PCDHGA1: variants seen among roughly 807,000 people sequenced by gnomAD.
PCDHGA1 encodes the protein protocadherin gamma subfamily A, 1, also known as protocadherin gamma-A1.
Under a neutral mutation model 58.0 loss-of-function variants are expected in PCDHGA1, and 32 were observed. That is an observed-to-expected ratio of 0.55 (90% CI 0.42 to 0.74). The LOEUF is 0.74. Among genes scored for constraint, PCDHGA1 ranks in the 30% least tolerant of loss-of-function variants. The pLI is 0.00. For synonymous variants in PCDHGA1, 498 were observed against 501.1 expected (o/e 0.99, Z 0.08); for missense variants, 1,205 against 1,182.3 (o/e 1.02, Z -0.28).
intron 1 of PCDHGA1, among the ~76,000 whole-genome samples, chr5:141,406,034 A>T (rs1438349168): frequency 6.7e-6 from 1 of 149,160 alleles, no homozygotes; most frequent in Non-Finnish European, 1.5e-5. Flanking sequence ...GGGTTGCTTC[A>T]TTGGTTGCAG....
At position 141,485,677 on chromosome 5, in the gene PCDHGA1, C is replaced by T. The variant is rs757797282; in HGVS notation, c.2422-9130C>T. ...CAGATGTGGGGAGCAATTCGATTAG[C>T]AGCTATAGGCTGAGCTCCAATGAAC... On this transcript the variant is annotated intron_variant, in intron 1 of 3. Transcript: ENST00000517417. This position sits in a 1 kb window ranked among gnomAD's most constrained non-coding sequence, Gnocchi z 5.7. 2.4e-5 allele frequency: 38 copies of T among 1,612,714 alleles called. No individual in the cohort carries two copies. In the East Asian group the frequency reaches 7.8e-4, roughly 33 times the overall value.
intron 1 of PCDHGA1, chr5:141,382,901 T>C (rs748634682): frequency 5.8e-6 from 9 of 1,543,194 alleles, no homozygotes; most frequent in East Asian, 2.3e-5. Flanking sequence ...AGGACGACTA[T>C]GGCGGCTCAG....
intron 1 of PCDHGA1, chr5:141,382,987 C>G: frequency 6.2e-7 from 1 of 1,613,278 alleles, no homozygotes; most frequent in Non-Finnish European, 8.5e-7. Context: ...CTGGGCAGGA[C>G]GTATTCTCTA....
Position 141,486,098 on chromosome 5 carries a change from G to A in PCDHGA1, c.2422-8709G>A, listed in dbSNP as rs1211678224. ...AAAGCTTACTCTTTTGGGGCCCCTA[G>A]ACTTTGAGAGTGAGAATTACTATGA... On this transcript the variant is annotated intron_variant, in intron 1 of 3. Transcript: ENST00000517417. This position sits in a 1 kb window ranked among gnomAD's most constrained non-coding sequence, Gnocchi z 5.0. 5.0e-6 allele frequency: 8 copies of A among 1,614,032 alleles called. No homozygotes were observed. Among genetic ancestry groups the A allele is most frequent in the Admixed American group, 3.3e-5 (2 of 59,994 alleles).
intron 1 of PCDHGA1, chr5:141,371,423 T>C: frequency 6.2e-7 from 1 of 1,613,962 alleles, no homozygotes; most frequent in Non-Finnish European, 8.5e-7. Flanking sequence ...AAAATGACAA[T>C]GCCCCGGAGA....
At chr5:141,384,287 A>G in intron 1 of PCDHGA1, 1 of 1,613,838 alleles carries the variant, frequency 6.2e-7, no homozygotes, top group South Asian at 1.1e-5. Context: ...TACATCGCTG[A>G]GAACAACCCC....
chr5:141,465,979 G>A (rs779605313), intron 1 of PCDHGA1, among the ~76,000 whole-genome samples: 9 of 151,846 alleles, frequency 5.9e-5, no homozygotes, highest in Non-Finnish European at 1.3e-4. Flanking sequence ...AAAATTAGCC[G>A]GGCATGGTGG....
intron 1 of PCDHGA1, among the ~76,000 whole-genome samples, chr5:141,483,913 C>G (rs988014158): frequency 6.7e-6 from 1 of 148,188 alleles, no homozygotes; most frequent in African/African-American, 2.5e-5. Context: ...GTTTCCCACT[C>G]AGATTGCAGG....
intron 1 of PCDHGA1, among the ~76,000 whole-genome samples, chr5:141,481,161 A>G (rs2099532805): frequency 6.6e-6 from 1 of 152,230 alleles, no homozygotes; most frequent in African/African-American, 2.4e-5. Flanking sequence ...GTATTTGCAG[A>G]ACCAGAATCC....
intron 1 of PCDHGA1, among the ~76,000 whole-genome samples, chr5:141,480,115 G>A (rs1164458958): frequency 6.6e-6 from 1 of 152,110 alleles, no homozygotes; most frequent in African/African-American, 2.4e-5. Flanking sequence ...CATGGTGCCT[G>A]GCATATCATA....
At chr5:141,372,053 C>G in intron 1 of PCDHGA1, 1 of 1,613,498 alleles carries the variant, frequency 6.2e-7, no homozygotes, top group South Asian at 1.1e-5. Flanking sequence ...TGTTGGTGGA[C>G]GACCGCAACG....
At chr5:141,371,734 A>T in intron 1 of PCDHGA1, 1 of 1,614,042 alleles carries the variant, frequency 6.2e-7, no homozygotes, top group Non-Finnish European at 8.5e-7. Flanking sequence ...GATGTCAACG[A>T]CAACGTTCCC....
Position 141,486,486 on chromosome 5 carries a change from A to G in PCDHGA1, c.2422-8321A>G. The G allele has an allele frequency of 6.2e-7, 1 of 1,614,056 alleles. No individual in the cohort carries two copies. Among genetic ancestry groups the G allele is most frequent in the South Asian group, 1.1e-5 (1 of 91,084 alleles). ...GCTGGGAACCCTCCTCTCAGTACCC[A>G]CAGAACTATTTTCCTCAATATTTCA... On this transcript the variant is annotated intron_variant, in intron 1 of 3. Coordinates refer to ENST00000517417, the MANE Select transcript of PCDHGA1 (RefSeq NM_018912.3). The surrounding 1 kb of genome is among the most constrained non-coding windows in gnomAD (Gnocchi z 5.0).
chr5:141,468,763 G>A (rs1341363934), intron 1 of PCDHGA1, among the ~76,000 whole-genome samples: 1 of 152,078 alleles, frequency 6.6e-6, no homozygotes, highest in Non-Finnish European at 1.5e-5. Flanking sequence ...CTACTCGGGA[G>A]GCTGAGGCAG....
rs140088812 is a variant in PCDHGA1, at chr5:141,489,695, T to C, written c.2422-5112T>C. The C allele has an allele frequency of 6.2e-7, 1 of 1,614,088 alleles. No homozygotes were observed. The highest frequency in any genetic ancestry group is 1.3e-5 in the African/African-American group (1 of 75,026). On this transcript the variant is annotated intron_variant, in intron 1 of 3. Transcript: ENST00000517417. This position sits in a 1 kb window ranked among gnomAD's most constrained non-coding sequence, Gnocchi z 4.5. ...GAATCAGCAGCATCTGGGGCACGAT[T>C]CCCACTGGACAGTGCCCAGGATCCG...
chr5:141,413,636 T>G, intron 1 of PCDHGA1: 2 of 1,613,876 alleles, frequency 1.2e-6, no homozygotes, highest in South Asian at 2.2e-5. Context: ...GCTGCGGGAA[T>G]GCGTTTTCCT....
chr5:141,343,185 C>A, intron 1 of PCDHGA1: 1 of 542,926 alleles, frequency 1.8e-6, no homozygotes, highest in Non-Finnish European at 2.3e-6. Context: ...AATCCCCAAA[C>A]ATATTGTCTG....
chr5:141,431,678 T>G lies in PCDHGA1; in HGVS notation c.2422-63129T>G. The G allele has an allele frequency of 6.2e-7, 1 of 1,614,084 alleles. No homozygotes were observed. Among genetic ancestry groups the G allele is most frequent in the Non-Finnish European group, 8.5e-7 (1 of 1,180,022 alleles). On this transcript the variant is annotated intron_variant, in intron 1 of 3. Transcript: ENST00000517417. This position sits in a 1 kb window ranked among gnomAD's most constrained non-coding sequence, Gnocchi z 4.8. ...AGGGACAATATCAACAATAGGGGAGTTGGACCACGAGGAGTCAGGATTCTA... is the reference window on the plus strand; with the variant it reads ...AGGGACAATATCAACAATAGGGGAGGTGGACCACGAGGAGTCAGGATTCTA...
At chr5:141,406,116 AG>A (rs982166274) in intron 1 of PCDHGA1, among the ~76,000 whole-genome samples, 4 of 147,788 alleles carry the variant, frequency 2.7e-5, no homozygotes, top group African/African-American at 1.0e-4. Context: ...TCTGTTGTCC[AG>A]GGTGGAATGC....
Sources: gnomAD v4.1 joint callset for allele counts (sites outside exome capture counted in the v4.1 genomes callset) on GRCh38, gnomAD v4.1.1 for gene constraint, Gnocchi (gnomAD v3.1) non-coding constraint, MANE v1.5 for transcripts, NCBI Gene and HGNC (gene_info 2026-07-23, HGNC 2026-07-21) for gene names.